Variants in MCHR2 observed in about 807,000 individuals in gnomAD.
The protein encoded by MCHR2 is melanin concentrating hormone receptor 2, also known as melanin-concentrating hormone receptor 2.
In MCHR2, 15 loss-of-function variants were observed where a neutral mutation model predicts 24.8. The ratio of observed to expected loss-of-function variants is 0.60; its 90% confidence interval spans 0.40 to 0.93. The LOEUF (loss-of-function observed/expected upper bound fraction) is 0.93. MCHR2 is among the 40% of genes least tolerant of loss of function. The pLI, the probability that MCHR2 is intolerant of heterozygous loss-of-function variation, is 0.00. For synonymous variants in MCHR2, 151 were observed against 147.6 expected (o/e 1.02, Z -0.17); for missense variants, 386 against 408.7 (o/e 0.94, Z 0.48).
chr6:99,976,331 C>T (rs1227871199), intron 1 of MCHR2, among the ~76,000 whole-genome samples: 1 of 152,154 alleles, frequency 6.6e-6, no homozygotes, highest in Non-Finnish European at 1.5e-5. Context: ...GATTTTTGCA[C>T]AAGTCTCAAC....
At chr6:99,980,424 G>A (rs1240639238) in intron 1 of MCHR2, among the ~76,000 whole-genome samples, 1 of 152,196 alleles carries the variant, frequency 6.6e-6, no homozygotes, top group African/African-American at 2.4e-5. Context: ...GAGCCTGGGG[G>A]AAGCTATCGG....
chr6:99,934,800 C>G (rs1328558238), intron 4 of MCHR2, among the ~76,000 whole-genome samples: 1 of 152,054 alleles, frequency 6.6e-6, no homozygotes, highest in Non-Finnish European at 1.5e-5. Context: ...CAGTGTTTAA[C>G]AATGACAGGC....
At chr6:99,941,058 A>G (rs1344929485) in intron 4 of MCHR2, among the ~76,000 whole-genome samples, 1 of 151,964 alleles carries the variant, frequency 6.6e-6, no homozygotes, top group Non-Finnish European at 1.5e-5. Flanking sequence ...TAAGGCAGAG[A>G]CAGGTATTTT....
chr6:99,935,505 T>G (rs1774638533), intron 4 of MCHR2, among the ~76,000 whole-genome samples: 1 of 152,054 alleles, frequency 6.6e-6, no homozygotes, highest in African/African-American at 2.4e-5. Flanking sequence ...CATAATAGCC[T>G]TCATTTCTAT....
chr6:99,982,242 T>C (rs1270462276), intron 1 of MCHR2, among the ~76,000 whole-genome samples: 1 of 152,014 alleles, frequency 6.6e-6, no homozygotes, highest in Non-Finnish European at 1.5e-5. Flanking sequence ...ATCTGCCTCC[T>C]AAATTAAGCC....
rs1774189538 is a variant in MCHR2 at position 99,919,885 on chromosome 6, G to C, written c.*1055C>G. ...TGGGACTACAGGCACACACCACCAT[G>C]CTCGGCTAATCTTTTTTTATTTTTA... On this transcript the variant is annotated 3_prime_UTR_variant, in exon 6 of 6. Transcript: ENST00000281806. The C allele has an allele frequency of 6.6e-6, 1 of 151,878 alleles. No homozygotes were observed. Among genetic ancestry groups the C allele is most frequent in the African/African-American group, 2.4e-5 (1 of 41,342 alleles). 9.4% of individuals were successfully genotyped at this position (151,878 alleles called of 1,614,324 possible). A position where few individuals can be genotyped will look rare whatever the true frequency, so the allele number is the denominator to read the frequency against.
intron 1 of MCHR2, among the ~76,000 whole-genome samples, chr6:99,969,567 CTTATT>C (rs939967767): frequency 7.0e-6 from 1 of 142,404 alleles, no homozygotes; most frequent in African/African-American, 2.6e-5. Context: ...TCTTTTTTTT[CTTATT>C]TTAATATTAT....
At chr6:99,925,916 G>C (rs1268642966) in intron 5 of MCHR2, among the ~76,000 whole-genome samples, 1 of 151,336 alleles carries the variant, frequency 6.6e-6, no homozygotes, top group Admixed American at 6.6e-5. Context: ...CATGTGCCAT[G>C]CTGGTGTGCT....
Position 99,971,455 on chromosome 6 carries a change from T to G in MCHR2, c.-27-15281A>C, listed in dbSNP as rs368288356. On this transcript the variant is annotated intron_variant, in intron 1 of 5. Coordinates refer to ENST00000281806, the MANE Select transcript of MCHR2 (RefSeq NM_001040179.2). Reference sequence around the variant, plus strand: ...AAATTGCTTATCAGCTTAAGGAGATTTTGGGCTGAGACATTGGGGTTTTCT... The same window carrying G: ...AAATTGCTTATCAGCTTAAGGAGATGTTGGGCTGAGACATTGGGGTTTTCT... 5.9e-4 allele frequency among the ~76,000 whole-genome samples: 90 copies of G among 152,252 alleles called. 1 individual carries two copies. The East Asian group carries it at 0.013, about 23-fold the overall frequency.
chr6:99,965,439 C>G (rs1775278611), intron 1 of MCHR2, among the ~76,000 whole-genome samples: 1 of 152,056 alleles, frequency 6.6e-6, no homozygotes, highest in African/African-American at 2.4e-5. Flanking sequence ...CTGGCTGAAC[C>G]CATTGAGGAA....
At chr6:99,963,309 A>G (rs1045088250) in intron 1 of MCHR2, among the ~76,000 whole-genome samples, 1 of 152,150 alleles carries the variant, frequency 6.6e-6, no homozygotes, top group African/African-American at 2.4e-5. Flanking sequence ...TACACATACA[A>G]TGGAATATTA....
At chr6:99,982,532 A>G (rs1775690811) in intron 1 of MCHR2, among the ~76,000 whole-genome samples, 1 of 148,246 alleles carries the variant, frequency 6.7e-6, no homozygotes, top group African/African-American at 2.5e-5. Context: ...TCAGCTACTC[A>G]GGAGGCTGAG....
intron 2 of MCHR2, 82 bp downstream of exon 2, chr6:99,955,884 G>T: frequency 8.8e-7 from 1 of 1,130,874 alleles, no homozygotes; most frequent in Non-Finnish European, 1.2e-6. Flanking sequence ...AATGCTACAG[G>T]GGAAAGGACT....
rs181992811 is a variant in MCHR2 at position 99,923,985 on chromosome 6, T to A, written c.708-2730A>T. ...ACATTTCAGAATAATTTGATTAGAA[T>A]TTGTATTAGCTTTTTAAATGTTTAG... On this transcript the variant is annotated intron_variant, in intron 5 of 5. Transcript: ENST00000281806. 3.1e-4 allele frequency among the ~76,000 whole-genome samples: 47 copies of A among 152,182 alleles called. 1 individual carries two copies. In the East Asian group the frequency reaches 8.5e-3, roughly 27 times the overall value.
chr6:99,926,853 T>A (rs1041516766), intron 5 of MCHR2, among the ~76,000 whole-genome samples: 9 of 152,244 alleles, frequency 5.9e-5, no homozygotes, highest in African/African-American at 2.2e-4. Context: ...AGACTCCATT[T>A]GTCAATTTTG....
chr6:99,984,258 T>G (rs1391542428), intron 1 of MCHR2, among the ~76,000 whole-genome samples: 1 of 131,046 alleles, frequency 7.6e-6, no homozygotes, highest in African/African-American at 2.6e-5. Context: ...TTTTATTTAT[T>G]TATTTTTCTT....
At position 99,940,155 on chromosome 6, in the gene MCHR2, T is replaced by C. The variant is rs1774744981; in HGVS notation, c.587+2794A>G. Among the ~76,000 whole-genome samples, 3 of 152,186 alleles carry C rather than the reference T, an allele frequency of 2.0e-5. No individual in the cohort carries two copies. In the South Asian group the frequency reaches 6.2e-4, roughly 32 times the overall value. On this transcript the variant is annotated intron_variant, in intron 4 of 5. Transcript: ENST00000281806. ...CTCAATTTGGGGAAATTTTCTGTTATTATTTCTTTGAATAAGCTTTCTACT... is the reference window on the plus strand; with the variant it reads ...CTCAATTTGGGGAAATTTTCTGTTACTATTTCTTTGAATAAGCTTTCTACT...
At chr6:99,978,809 A>G (rs1423470687) in intron 1 of MCHR2, among the ~76,000 whole-genome samples, 3 of 152,130 alleles carry the variant, frequency 2.0e-5, no homozygotes, top group Admixed American at 1.3e-4. Context: ...TAGGACACCA[A>G]AAAAATGTAC....
In MCHR2 at chr6:99,921,081, G is replaced by A. The variant is rs200439918; in HGVS notation, c.882C>T (p.Leu294=). ...GGTTAATGCTGCTGCTGGCATAGCT[G>A]AGACAGATGGAGAGGTAATAACCCA... ...FYVGYYLSIC[L]SYASSSINPF... Residue 294 remains leucine, a synonymous_variant, in exon 6 of 6, where the codon CTC becomes CTT. Transcript: ENST00000281806. 3 of 1,614,202 alleles carry A rather than the reference G, an allele frequency of 1.9e-6. No individual in the cohort carries two copies. The highest frequency in any genetic ancestry group is 8.5e-7 in the Non-Finnish European group (1 of 1,180,022).
Sources: allele counts gnomAD v4.1 joint callset (sites outside exome capture counted in the v4.1 genomes callset), GRCh38; gene constraint gnomAD v4.1.1; transcripts MANE v1.5; gene names NCBI Gene and HGNC (gene_info 2026-07-23, HGNC 2026-07-21).